Variants in MAPK13 observed in about 807,000 individuals in gnomAD.
MAPK13 encodes mitogen-activated protein kinase 13, also known as MAP kinase 13.
Under a neutral mutation model 53.5 loss-of-function variants are expected in MAPK13, and 39 were observed. That is an observed-to-expected ratio of 0.73 (90% CI 0.56 to 0.95). MAPK13 has a LOEUF of 0.95. MAPK13 is among the 40% of genes least tolerant of loss of function. MAPK13 has a pLI of 0.00. For synonymous variants in MAPK13, 179 were observed against 190.9 expected, an observed-to-expected ratio of 0.94 and a Z score of 0.51; for missense variants, 460 against 471.8, an observed-to-expected ratio of 0.98 and a Z score of 0.23.
intron 2 of MAPK13, 23 bp downstream of exon 2, chr6:36,131,423 A>AG: frequency 6.3e-7 from 1 of 1,595,792 alleles, no homozygotes; most frequent in Non-Finnish European, 8.6e-7. Context: ...TGCCCCGGGG[A>AG]GGGGGTGGGG....
In MAPK13 at chr6:36,144,482, A is replaced by AAAT. The variant is rs1766593753; in HGVS notation, c.*5111_*5113dup. ...TTGCTACCTTTGTTCATAACCAAGG[A>AAAT]AATAGAAATGACTGAAAATAAAGTT... On this transcript the variant is annotated 3_prime_UTR_variant, in exon 12 of 12. Transcript: ENST00000211287. 6.6e-6 allele frequency: 1 copy of AAAT among 152,220 alleles called. No homozygotes were observed. Among genetic ancestry groups the AAAT allele is most frequent in the South Asian group, 2.1e-4 (1 of 4,834 alleles). The allele number at this position is 152,220 out of a possible 1,614,324, so 9.4% of individuals were successfully genotyped here.
Position 36,138,783 on chromosome 6 carries a change from G to A in MAPK13, c.841+3G>A, listed in dbSNP as rs749127218. 3.2e-5 allele frequency: 51 copies of A among 1,614,010 alleles called. No homozygotes were observed. Among genetic ancestry groups the A allele is most frequent in the Middle Eastern group, 1.6e-4 (1 of 6,084 alleles). Reference sequence around the variant, plus strand: ...GTTCCCACGGGCCAGCCCCCAGGGTGAGTCTCAGAGCCCGCTCCCCAGGGG... The same window carrying A: ...GTTCCCACGGGCCAGCCCCCAGGGTAAGTCTCAGAGCCCGCTCCCCAGGGG... On this transcript the variant is annotated splice_donor_region_variant and intron_variant, in intron 10 of 11. Transcript: ENST00000211287.
At position 36,138,485 on chromosome 6, in the gene MAPK13, C is replaced by T. The variant is rs753052676; in HGVS notation, c.762+41C>T. ...GACCTAGGCTGGCCTGGGCTGTGTGCTTGCCTGACGTGGGCCCAGTGGGCT... is the reference window on the plus strand; with the variant it reads ...GACCTAGGCTGGCCTGGGCTGTGTGTTTGCCTGACGTGGGCCCAGTGGGCT... On this transcript the variant is annotated intron_variant, in intron 9 of 11. Transcript: ENST00000211287. 1.9e-6 allele frequency: 3 copies of T among 1,594,976 alleles called. No individual in the cohort carries two copies. The South Asian group carries it at 3.3e-5, about 18-fold the overall frequency.
At chr6:36,139,173 T>C (rs558948353) in intron 11 of MAPK13, 118 bp downstream of exon 11, 1 of 1,395,012 alleles carries the variant, frequency 7.2e-7, no homozygotes, top group South Asian at 1.3e-5. Flanking sequence ...TGGTGGGCAT[T>C]GTCTCCTGGG....
intron 8 of MAPK13, among the ~76,000 whole-genome samples, chr6:36,137,366 T>C (rs1265206839): frequency 1.3e-5 from 2 of 151,802 alleles, no homozygotes; most frequent in Admixed American, 1.3e-4. Flanking sequence ...ATACAAAAAA[T>C]TAGCCAGGCG....
At chr6:36,136,443 C>T in intron 5 of MAPK13, 41 bp from the exon 6 acceptor site, 1 of 1,526,824 alleles carries the variant, frequency 6.5e-7, no homozygotes, top group Non-Finnish European at 8.8e-7. Context: ...CAAGCTCCAT[C>T]TCTGCCTCAG....
At chr6:36,137,021 CTG>C (rs1766431595) in intron 8 of MAPK13, 71 bp downstream of exon 8, 2 of 1,373,428 alleles carry the variant, frequency 1.5e-6, no homozygotes. Flanking sequence ...ATTTAAATAA[CTG>C]TCTTTTTTTT....
chr6:36,135,751 A>C lies in MAPK13; in HGVS notation c.309-2A>C, dbSNP rs1373982723. The C allele has an allele frequency of 1.2e-6, 2 of 1,610,610 alleles. No individual in the cohort carries two copies. The highest frequency in any genetic ancestry group is 1.7e-6 in the Non-Finnish European group (2 of 1,177,566). On this transcript the variant is annotated splice_acceptor_variant, in intron 3 of 11. Transcript: ENST00000211287. LOFTEE classifies it high-confidence loss of function. ...GTTCCAAGAACCCCTCATGCCTTCC[A>C]GCTACCTGGTGATGCCCTTCATGCA...
rs1423919748 is a variant in MAPK13, at chr6:36,143,028, G to C, written c.*3655G>C. 1 of 152,266 alleles carries C rather than the reference G, an allele frequency of 6.6e-6. No homozygotes were observed. The highest frequency in any genetic ancestry group is 1.5e-5 in the Non-Finnish European group (1 of 68,116). The allele number at this position is 152,266 out of a possible 1,614,324, so 9.4% of individuals were successfully genotyped here. A position where few individuals can be genotyped will look rare whatever the true frequency, so the allele number is the denominator to read the frequency against. ...CGAGGGAGGGGGAGATGTGGGCTCA[G>C]GTATTCTTGGTGGATGCGCTTCGTT... is the stretch of plus-strand genomic sequence containing the variant. On this transcript the variant is annotated 3_prime_UTR_variant, in exon 12 of 12. Coordinates refer to ENST00000211287, the MANE Select transcript of MAPK13 (RefSeq NM_002754.5).
At position 36,140,766 on chromosome 6, in the gene MAPK13, C is replaced by T. The variant is rs1581889032; in HGVS notation, c.*1393C>T. 1 of 152,462 alleles carries T rather than the reference C, an allele frequency of 6.6e-6. No individual in the cohort carries two copies. The highest frequency in any genetic ancestry group is 1.9e-4 in the East Asian group (1 of 5,176). 9.4% of individuals were successfully genotyped at this position (152,462 alleles called of 1,614,324 possible). On this transcript the variant is annotated 3_prime_UTR_variant, in exon 12 of 12. Transcript: ENST00000211287. ...TCTTACAGGTGTTAAAACTGAGGCT[C>T]AGAAAGCTTTTTTTTGTTTGTTTGT...
chr6:36,131,615 T>G (rs1443500189), intron 2 of MAPK13, among the ~76,000 whole-genome samples: 1 of 152,184 alleles, frequency 6.6e-6, no homozygotes, highest in African/African-American at 2.4e-5. Context: ...AGAATGCACT[T>G]TGTGAGGTAC....
chr6:36,131,205 C>G, intron 1 of MAPK13, 66 bp from the exon 2 acceptor site: 1 of 1,561,618 alleles, frequency 6.4e-7, no homozygotes, highest in Non-Finnish European at 8.7e-7. Context: ...TGGGAGGGGT[C>G]AGGGCGGTCT....
rs1766575442 is a variant in MAPK13, at chr6:36,143,516, T to C, written c.*4143T>C. On this transcript the variant is annotated 3_prime_UTR_variant, in exon 12 of 12. Coordinates refer to ENST00000211287, the MANE Select transcript of MAPK13 (RefSeq NM_002754.5). ...TCTGCTAGGGTGTGGAAAACTGTTT[T>C]TCCATGGCCCCAAGCAATGCTATAG... is the stretch of plus-strand genomic sequence containing the variant. The C allele has an allele frequency of 6.6e-6, 1 of 152,150 alleles. No homozygotes were observed. Among genetic ancestry groups the C allele is most frequent in the African/African-American group, 2.4e-5 (1 of 41,440 alleles). 9.4% of individuals were successfully genotyped at this position (152,150 alleles called of 1,614,324 possible).
chr6:36,131,099 C>T lies in MAPK13; in HGVS notation c.120-172C>T, dbSNP rs866208012. The T allele has an allele frequency of 1.8e-4, 122 of 681,988 alleles. 1 individual carries two copies. Among genetic ancestry groups the T allele is most frequent in the Middle Eastern group, 8.5e-4 (2 of 2,340 alleles). 42.2% of individuals were successfully genotyped at this position (681,988 alleles called of 1,614,324 possible). On this transcript the variant is annotated intron_variant, in intron 1 of 11. Coordinates refer to ENST00000211287, the MANE Select transcript of MAPK13 (RefSeq NM_002754.5). ...TGCCCCTGGCGCTGTGCCCCTCTCTCAGCTCCTGCCTGGCTTCCTACTCCC... is the reference window on the plus strand; with the variant it reads ...TGCCCCTGGCGCTGTGCCCCTCTCTTAGCTCCTGCCTGGCTTCCTACTCCC...
chr6:36,136,377 C>T, intron 5 of MAPK13, 107 bp from the exon 6 acceptor site: 1 of 941,740 alleles, frequency 1.1e-6, no homozygotes, highest in Non-Finnish European at 1.6e-6. Flanking sequence ...AACTGAGGCC[C>T]AGAAGGGGAA....
Position 36,139,472 on chromosome 6 carries a change from G to A in MAPK13, c.*99G>A, listed in dbSNP as rs1395873213. 6.4e-6 allele frequency: 6 copies of A among 934,692 alleles called. No individual in the cohort carries two copies. In the East Asian group the frequency reaches 1.5e-4, roughly 23 times the overall value. The allele number at this position is 934,692 out of a possible 1,614,324, so 57.9% of individuals were successfully genotyped here. ...TTCTTGGAATACAGCCTTTCAAGCA[G>A]AGGACAGAAGGGTCCTTCTCCTTAT... On this transcript the variant is annotated 3_prime_UTR_variant, in exon 12 of 12. Transcript: ENST00000211287.
At position 36,136,480 on chromosome 6, in the gene MAPK13, C is replaced by A. The variant is rs374963363; in HGVS notation, c.448-4C>A. ...CTAGCATGCATTCTCTGTCCTCCCC[C>A]CAGGACCTGAAGCCAGGCAACCTGG... is the stretch of plus-strand genomic sequence containing the variant. On this transcript the variant is annotated splice_polypyrimidine_tract_variant and splice_region_variant and intron_variant, in intron 5 of 11. Coordinates refer to ENST00000211287, the MANE Select transcript of MAPK13 (RefSeq NM_002754.5). 7 of 1,592,556 alleles carry A rather than the reference C, an allele frequency of 4.4e-6. No individual in the cohort carries two copies. The highest frequency in any genetic ancestry group is 2.2e-5 in the East Asian group (1 of 44,826).
rs1188860312 is a variant in MAPK13 at position 36,138,904 on chromosome 6, G to A, written c.867G>A (p.Leu289=). 4 of 1,610,962 alleles carry A rather than the reference G, an allele frequency of 2.5e-6. No homozygotes were observed. The African/African-American group carries it at 4.0e-5, about 16-fold the overall frequency. The change falls in exon 11 of 12, where the codon CTG becomes CTA. Residue 289 remains leucine (L), a synonymous_variant. Transcript: ENST00000211287. Reference sequence around the variant, plus strand: ...CTGCGGACCTGCTGGAGAAGATGCTGGAGCTAGACGTGGACAAGCGCCTGA... The same window carrying A: ...CTGCGGACCTGCTGGAGAAGATGCTAGAGCTAGACGTGGACAAGCGCCTGA... ...PQAADLLEKM[L]ELDVDKRLTA...
intron 2 of MAPK13, 82 bp from the exon 3 acceptor site, chr6:36,132,539 C>G: frequency 7.9e-7 from 1 of 1,265,932 alleles, no homozygotes; most frequent in Non-Finnish European, 1.2e-6. Flanking sequence ...GGGTGGATGG[C>G]CCTGTGCATG....
Sources: allele counts gnomAD v4.1 joint callset (sites outside exome capture counted in the v4.1 genomes callset), GRCh38; gene constraint gnomAD v4.1.1; transcripts MANE v1.5; gene names NCBI Gene and HGNC (gene_info 2026-07-23, HGNC 2026-07-21).